ARID1B: variants seen among roughly 807,000 people sequenced by gnomAD.
ARID1B encodes the protein AT-rich interaction domain 1B.
In ARID1B, 30 loss-of-function variants were observed where a neutral mutation model predicts 212.3. The observed-to-expected ratio is 0.14, with a 90% CI of 0.11 to 0.19. The LOEUF is 0.19. Ranked by LOEUF, ARID1B falls within the 10% of genes least tolerant of loss-of-function variation. The pLI is 1.00. For missense variants in ARID1B, 2,891 were observed against 3,204.0 expected, an observed-to-expected ratio of 0.90 and a Z score of 2.36; for synonymous variants, 1,402 against 1,301.7, an observed-to-expected ratio of 1.08 and a Z score of -1.66.
chr6:156,953,404 C>T (rs1011848093), intron 4 of ARID1B, among the ~76,000 whole-genome samples: 8 of 152,178 alleles, frequency 5.3e-5, no homozygotes, highest in Admixed American at 3.3e-4. Flanking sequence ...TCTGCAGTCA[C>T]TCTTAATTTG....
intron 6 of ARID1B, among the ~76,000 whole-genome samples, chr6:157,115,523 T>C (rs371705044): frequency 6.6e-6 from 1 of 152,148 alleles, no homozygotes; most frequent in African/African-American, 2.4e-5. Flanking sequence ...GCCTTCCGGG[T>C]TCACGCCATT....
At chr6:157,066,009 C>A (rs1394542348) in intron 4 of ARID1B, among the ~76,000 whole-genome samples, 1 of 152,204 alleles carries the variant, frequency 6.6e-6, no homozygotes, top group Non-Finnish European at 1.5e-5. Context: ...CATTATCCAT[C>A]CATCCCCAAC....
chr6:157,091,653 G>A (rs1234502602), intron 5 of ARID1B, among the ~76,000 whole-genome samples: 1 of 152,196 alleles, frequency 6.6e-6, no homozygotes, highest in South Asian at 2.1e-4. Flanking sequence ...GAACAATGGA[G>A]GATGCAAACC....
At chr6:157,075,730 G>A (rs1267787159) in intron 4 of ARID1B, among the ~76,000 whole-genome samples, 2 of 152,216 alleles carry the variant, frequency 1.3e-5, no homozygotes, top group Non-Finnish European at 2.9e-5. Context: ...CGATATGAAG[G>A]ACACTTCACT....
intron 1 of ARID1B, among the ~76,000 whole-genome samples, chr6:156,818,942 TA>T (rs368029736): frequency 0.03 from 4,372 of 146,452 alleles, 192 homozygotes; most frequent in African/African-American, 0.098. Flanking sequence ...TCTATCCTTT[TA>T]AAAAAAAAAA....
rs144636009 is a variant in ARID1B at position 157,153,382 on chromosome 6, T to C, written c.3089+4431T>C. Among the ~76,000 whole-genome samples, 612 of 152,350 alleles carry C rather than the reference T, an allele frequency of 4.0e-3. 5 individuals are homozygous for C. Among genetic ancestry groups the C allele is most frequent in the African/African-American group, 0.013 (558 of 41,588 alleles). ...ACAGAACCCTCCTCCTTCTACACAC[T>C]GATACCCTTTTTATCTGAAAATGCA... is the stretch of plus-strand genomic sequence containing the variant. On this transcript the variant is annotated intron_variant, in intron 8 of 19. Transcript: ENST00000636930.
chr6:156,837,703 A>AAAAACCG (rs1783609080), intron 2 of ARID1B, among the ~76,000 whole-genome samples: 1 of 152,126 alleles, frequency 6.6e-6, no homozygotes. Context: ...AATTAAGAAA[A>AAAAACCG]CTCTTAAGCT....
intron 2 of ARID1B, chr6:156,871,533 A>G (rs184330010): frequency 1.4e-4 from 187 of 1,308,564 alleles, no homozygotes; most frequent in Admixed American, 1.2e-3. Context: ...TCACCTAATT[A>G]ATAAGCCACA....
intron 3 of ARID1B, among the ~76,000 whole-genome samples, chr6:156,930,602 T>C (rs1156961142): frequency 6.6e-6 from 1 of 152,214 alleles, no homozygotes; most frequent in Non-Finnish European, 1.5e-5. Context: ...TAAGGATGCT[T>C]ACTATAGTGC....
At chr6:157,122,152 A>C (rs1787766220) in intron 6 of ARID1B, among the ~76,000 whole-genome samples, 1 of 152,218 alleles carries the variant, frequency 6.6e-6, no homozygotes, top group Non-Finnish European at 1.5e-5. Context: ...AGGGCAGTGA[A>C]GGGATTTCTT....
chr6:156,996,254 GA>G (rs888820826), intron 4 of ARID1B, among the ~76,000 whole-genome samples: 5 of 152,150 alleles, frequency 3.3e-5, no homozygotes, highest in Non-Finnish European at 1.5e-5. Flanking sequence ...AATGGCTTCA[GA>G]GCTGAGCTCT....
chr6:157,186,788 T>A (rs1384514590), intron 13 of ARID1B, among the ~76,000 whole-genome samples: 1 of 152,118 alleles, frequency 6.6e-6, no homozygotes, highest in African/African-American at 2.4e-5. Context: ...ACATTTTAGA[T>A]TTTTTTTCAC....
At chr6:156,919,827 G>T (rs1237837196) in intron 3 of ARID1B, among the ~76,000 whole-genome samples, 1 of 152,150 alleles carries the variant, frequency 6.6e-6, no homozygotes, top group African/African-American at 2.4e-5. Context: ...TGAGACCTTG[G>T]CTCTTTAAAT....
At chr6:157,090,692 T>G (rs1012608434) in intron 5 of ARID1B, among the ~76,000 whole-genome samples, 8 of 152,250 alleles carry the variant, frequency 5.3e-5, no homozygotes, top group African/African-American at 1.4e-4. Flanking sequence ...CTTCGCTGTT[T>G]GAGGCGCTCA....
In ARID1B at chr6:157,117,248, A is replaced by G. The variant is rs111414649; in HGVS notation, c.2581+6687A>G. Among the ~76,000 whole-genome samples, 303 of 152,314 alleles carry G rather than the reference A, an allele frequency of 2.0e-3. 1 individual carries two copies. Among genetic ancestry groups the G allele is most frequent in the African/African-American group, 7.0e-3 (292 of 41,568 alleles). ...CAAAAGTCTGAGGTTTCAAAATTAC[A>G]TATTTTGTTTAGACTGAATAGTCTT... On this transcript the variant is annotated intron_variant, in intron 6 of 19. Transcript: ENST00000636930.
chr6:156,920,343 T>C (rs1404067036), intron 3 of ARID1B, among the ~76,000 whole-genome samples: 1 of 152,264 alleles, frequency 6.6e-6, no homozygotes, highest in African/African-American at 2.4e-5. Flanking sequence ...CTTTCCTTGA[T>C]ATTTATATTC....
intron 8 of ARID1B, among the ~76,000 whole-genome samples, chr6:157,159,531 A>G (rs761851546): frequency 1.9e-4 from 29 of 152,216 alleles, no homozygotes; most frequent in Non-Finnish European, 2.9e-4. Context: ...TTCAGCAGGG[A>G]GTGCCAGGAG....
intron 5 of ARID1B, among the ~76,000 whole-genome samples, chr6:157,108,360 A>G (rs1208011521): frequency 6.6e-6 from 1 of 152,134 alleles, no homozygotes; most frequent in East Asian, 1.9e-4. Context: ...TCGGGCGTGC[A>G]CTGTCTAAGC....
intron 2 of ARID1B, among the ~76,000 whole-genome samples, chr6:156,873,811 C>T (rs776503626): frequency 2.0e-5 from 3 of 152,222 alleles, no homozygotes; most frequent in Non-Finnish European, 4.4e-5. Context: ...TGATGAGTGG[C>T]GTCCTTTAGA....
Sources: gnomAD v4.1 joint callset for allele counts (sites outside exome capture counted in the v4.1 genomes callset) on GRCh38, gnomAD v4.1.1 for gene constraint, MANE v1.5 for transcripts, NCBI Gene and HGNC (gene_info 2026-07-23, HGNC 2026-07-21) for gene names.